Variants in ILKAP observed in about 807,000 individuals in gnomAD.
ILKAP encodes ILK associated serine/threonine phosphatase.
In ILKAP, 11 loss-of-function variants were observed where a neutral mutation model predicts 49.1. The ratio of observed to expected loss-of-function variants is 0.22; its 90% CI spans 0.14 to 0.37. The LOEUF is 0.37. ILKAP is among the 10% of genes least tolerant of loss of function. ILKAP has a pLI of 1.00. For synonymous variants in ILKAP, 186 were observed against 192.8 expected (o/e 0.96, Z 0.29); for missense variants, 363 against 510.8 (o/e 0.71, Z 2.79).
chr2:238,194,414 T>C, intron 2 of ILKAP, 83 bp from the exon 3 acceptor site: 3 of 1,273,678 alleles, frequency 2.4e-6, no homozygotes, highest in Admixed American at 1.9e-5. Flanking sequence ...AGGACACCTA[T>C]GTAGGTTACT....
At chr2:238,175,273 A>T (rs186725186) in intron 9 of ILKAP, among the ~76,000 whole-genome samples, 4,333 of 151,670 alleles carry the variant, frequency 0.029, 85 homozygotes, top group Non-Finnish European at 0.04. Flanking sequence ...TAAAAAAAAA[A>T]TTTTTTTTGT....
At chr2:238,186,840 A>G (rs568570249) in intron 5 of ILKAP, 7 of 152,306 alleles carry the variant, frequency 4.6e-5, no homozygotes, top group Non-Finnish European at 8.8e-5. Context: ...CATCTGGTTT[A>G]TAACTCAGAG....
At chr2:238,191,944 G>A (rs548132426) in intron 3 of ILKAP, among the ~76,000 whole-genome samples, 20 of 150,908 alleles carry the variant, frequency 1.3e-4, no homozygotes, top group East Asian at 5.8e-4. Flanking sequence ...CAGGCGCAGC[G>A]GCTCATGCCT....
intron 5 of ILKAP, chr2:238,186,116 G>A (rs1008291370): frequency 7.9e-5 from 12 of 152,300 alleles, no homozygotes; most frequent in South Asian, 2.1e-4. Flanking sequence ...TAACAGAAAT[G>A]CATTGTTAGG....
In ILKAP at chr2:238,182,288, T is replaced by A; in HGVS notation, c.715-102A>T. The A allele has an allele frequency of 2.2e-6, 3 of 1,378,144 alleles. No homozygotes were observed. In the South Asian group the frequency reaches 3.8e-5, roughly 17 times the overall value. The allele number at this position is 1,378,144 out of a possible 1,614,324, so 85.4% of individuals were successfully genotyped here. ...TAACAATGGAGTTTGAAGAAAACAGTTAACAATGGAGTTTCACATTCAGCC... is the reference window on the plus strand; with the variant it reads ...TAACAATGGAGTTTGAAGAAAACAGATAACAATGGAGTTTCACATTCAGCC... On this transcript the variant is annotated intron_variant, in intron 8 of 11. Coordinates refer to ENST00000254654, the MANE Select transcript of ILKAP (RefSeq NM_030768.3).
Position 238,188,145 on chromosome 2 carries a change from G to C in ILKAP, c.411C>G (p.Pro137=). Residue 137 remains proline (P), a synonymous_variant, in exon 5 of 12, where the codon CCC becomes CCG. Coordinates refer to ENST00000254654, the MANE Select transcript of ILKAP (RefSeq NM_030768.3). ...ILNDITEECR[P]PSSLITRVSY... ...ATGAGACTCACATGAGGGACGATGG[G>C]GGCCTACACTCCTCGGTGATGTCGT... The C allele has an allele frequency of 6.2e-7, 1 of 1,614,010 alleles. No homozygotes were observed. The highest frequency in any genetic ancestry group is 8.5e-7 in the Non-Finnish European group (1 of 1,180,004).
chr2:238,199,240 T>A (rs1339967436), intron 1 of ILKAP, among the ~76,000 whole-genome samples: 1 of 152,246 alleles, frequency 6.6e-6, no homozygotes, highest in Non-Finnish European at 1.5e-5. Flanking sequence ...CAGTTCTTCA[T>A]ATGATAAGTG....
chr2:238,195,413 T>C (rs778436461), intron 1 of ILKAP, among the ~76,000 whole-genome samples: 5 of 143,472 alleles, frequency 3.5e-5, no homozygotes, highest in Non-Finnish European at 6.3e-5. Flanking sequence ...ATTCAATAAA[T>C]AGCTATGGAG....
At position 238,188,131 on chromosome 2, in the gene ILKAP, A is replaced by G; in HGVS notation, c.425T>C (p.Ile142Thr). Residue 142 changes from isoleucine (I) to threonine (T), a missense_variant and splice_region_variant, in exon 5 of 12, where the codon ATT (isoleucine) becomes ACT (threonine). Physicochemically the swap from Ile to Thr is moderately conservative, Grantham distance 89 (BLOSUM62 -1). Around this residue, in one of 3 missense-constraint regions of ILKAP, gnomAD observed 166 missense variants for 307.3 expected, o/e 0.54. Coordinates refer to ENST00000254654, the MANE Select transcript of ILKAP (RefSeq NM_030768.3). The stretch of plus-strand genomic sequence containing the variant: ...GGGCTTCCTACCACATGAGACTCAC[A>G]TGAGGGACGATGGGGGCCTACACTC... ...TEECRPPSSLITRVSYFAVFD... is the reference protein window; with the variant it reads ...TEECRPPSSLTTRVSYFAVFD... 2 of 1,614,024 alleles carry G rather than the reference A, an allele frequency of 1.2e-6. No homozygotes were observed. The highest frequency in any genetic ancestry group is 1.7e-6 in the Non-Finnish European group (2 of 1,179,952).
intron 11 of ILKAP, 60 bp downstream of exon 11, chr2:238,170,883 A>G (rs777806140): frequency 6.6e-6 from 10 of 1,524,818 alleles, no homozygotes; most frequent in Non-Finnish European, 9.1e-6. Context: ...CAGAACTTCT[A>G]CTTCTCTGAA....
rs370994729 is a variant in ILKAP at position 238,194,246 on chromosome 2, C to T, written c.178+29G>A. The T allele has an allele frequency of 2.4e-5, 39 of 1,599,874 alleles. No individual in the cohort carries two copies. In the African/African-American group the frequency reaches 5.0e-4, roughly 20 times the overall value. On this transcript the variant is annotated intron_variant, in intron 3 of 11. Transcript: ENST00000254654. ...GTAAAATACTATGTATTATTTCCAT[C>T]AGCACCTTGGATTTTTCCTACCACT...
intron 10 of ILKAP, 98 bp downstream of exon 10, chr2:238,173,436 A>T: frequency 6.7e-7 from 1 of 1,501,136 alleles, no homozygotes; most frequent in East Asian, 2.3e-5. Context: ...AGCACCATGC[A>T]CACCTTCCCT....
chr2:238,194,176 T>C, intron 3 of ILKAP, 99 bp downstream of exon 3: 1 of 1,001,964 alleles, frequency 1.0e-6, no homozygotes, highest in Non-Finnish European at 1.5e-6. Flanking sequence ...TGACTTAATG[T>C]CATCCAAAAT....
At chr2:238,181,954 C>G (rs1040928153) in intron 9 of ILKAP, 111 bp downstream of exon 9, 2 of 1,140,074 alleles carry the variant, frequency 1.8e-6, no homozygotes, top group Non-Finnish European at 2.5e-6. Context: ...GACAGAGCCT[C>G]GTCACACTGA....
chr2:238,191,734 C>T (rs6748440), intron 3 of ILKAP, among the ~76,000 whole-genome samples: 35,675 of 151,812 alleles, frequency 0.23, 4,525 homozygotes, highest in East Asian at 0.47. Context: ...ATGGCGAAAC[C>T]CGGTCTCTAA....
intron 1 of ILKAP, among the ~76,000 whole-genome samples, chr2:238,199,040 C>T (rs1203953463): frequency 6.6e-6 from 1 of 152,146 alleles, no homozygotes; most frequent in Non-Finnish European, 1.5e-5. Flanking sequence ...TGCACATGGA[C>T]TCATGCATTT....
At chr2:238,203,253 TC>T (rs1461304914) in intron 1 of ILKAP, among the ~76,000 whole-genome samples, 2 of 150,896 alleles carry the variant, frequency 1.3e-5, no homozygotes, top group African/African-American at 2.4e-5. Flanking sequence ...CCACGACGGC[TC>T]GGCCCTTTCC....
intron 9 of ILKAP, among the ~76,000 whole-genome samples, chr2:238,180,111 C>T (rs538808615): frequency 9.9e-5 from 15 of 151,638 alleles, no homozygotes; most frequent in African/African-American, 2.2e-4. Flanking sequence ...GTCAAGGCTG[C>T]GGTGAGCTGT....
At chr2:238,174,985 A>G (rs1693384137) in intron 9 of ILKAP, among the ~76,000 whole-genome samples, 1 of 152,216 alleles carries the variant, frequency 6.6e-6, no homozygotes, top group Non-Finnish European at 1.5e-5. Flanking sequence ...CCACGTCTGC[A>G]ATGGCAGGTC....
Sources: allele counts gnomAD v4.1 joint callset (sites outside exome capture counted in the v4.1 genomes callset), GRCh38; gene constraint gnomAD v4.1.1; regional missense constraint gnomAD v4.1.1; transcripts MANE v1.5; gene names NCBI Gene and HGNC (gene_info 2026-07-23, HGNC 2026-07-21).